Variants in NAV3 observed in about 807,000 individuals in gnomAD.
NAV3 encodes the protein neuron navigator 3.
A neutral mutation model predicts 244.7 loss-of-function variants in NAV3; 87 were observed. The observed-to-expected ratio is 0.36, with a 90% CI of 0.30 to 0.42. NAV3 has a LOEUF of 0.42. Among genes scored for constraint, NAV3 ranks in the 20% least tolerant of loss-of-function variants. The pLI is 1.00. For synonymous variants in NAV3, 1,126 were observed against 1,042.2 expected, an observed-to-expected ratio of 1.08 and a Z score of -1.55; for missense variants, 2,663 against 2,893.3, an observed-to-expected ratio of 0.92 and a Z score of 1.83.
At chr12:78,047,685 T>C (rs1323178280) in intron 9 of NAV3, among the ~76,000 whole-genome samples, 2 of 152,198 alleles carry the variant, frequency 1.3e-5, no homozygotes, top group Non-Finnish European at 2.9e-5. Flanking sequence ...ATTACGTGTC[T>C]TGGGGTTGCT....
At chr12:77,984,197 A>C (rs1870063248) in intron 5 of NAV3, among the ~76,000 whole-genome samples, 1 of 152,216 alleles carries the variant, frequency 6.6e-6, no homozygotes, top group East Asian at 1.9e-4. Flanking sequence ...ATTTTGAAGG[A>C]GAATAAGACC....
intron 1 of NAV3, among the ~76,000 whole-genome samples, chr12:77,903,339 G>A (rs1419352389): frequency 1.5e-4 from 23 of 152,088 alleles, no homozygotes; most frequent in South Asian, 1.2e-3. Flanking sequence ...AAATAATGCC[G>A]CATATCTACA....
intron 2 of NAV3, among the ~76,000 whole-genome samples, chr12:77,755,778 G>C (rs1869143350): frequency 6.7e-6 from 1 of 149,600 alleles, no homozygotes; most frequent in Non-Finnish European, 1.5e-5. Context: ...TTGTCACTCA[G>C]GGTGGAGTGC....
At chr12:78,027,948 T>A (rs555747181) in intron 9 of NAV3, among the ~76,000 whole-genome samples, 4 of 152,154 alleles carry the variant, frequency 2.6e-5, no homozygotes, top group Admixed American at 6.6e-5. Context: ...GAAGCGTTTT[T>A]TTTTGTTTTG....
chr12:78,111,021 G>A (rs183993937), intron 12 of NAV3, among the ~76,000 whole-genome samples: 1 of 151,972 alleles, frequency 6.6e-6, no homozygotes, highest in South Asian at 2.1e-4. Context: ...AGACTGGAAA[G>A]GATGAATGGA....
At chr12:77,660,921 G>A (rs917479591) in intron 2 of NAV3, among the ~76,000 whole-genome samples, 1 of 152,074 alleles carries the variant, frequency 6.6e-6, no homozygotes, top group Admixed American at 6.6e-5. Context: ...ATGAGCCGTA[G>A]TTCATTTCTT....
At chr12:78,147,110 C>A (rs955922629) in intron 21 of NAV3, among the ~76,000 whole-genome samples, 5 of 152,000 alleles carry the variant, frequency 3.3e-5, no homozygotes, top group Non-Finnish European at 7.4e-5. Flanking sequence ...AAAAGTATTC[C>A]TTTCCTTTGA....
rs375233233 is a variant in NAV3 at position 77,576,799 on chromosome 12, T to C, written c.72+4533T>C. Among the ~76,000 whole-genome samples, 25 of 152,198 alleles carry C rather than the reference T, an allele frequency of 1.6e-4. No homozygotes were observed. In the East Asian group the frequency reaches 3.5e-3, roughly 21 times the overall value. ...GTGAGGATAGGTCTAGCCCTTATAT[T>C]TGTTGATTTTCTTAAAGAATGGCCT... On this transcript the variant is annotated intron_variant, in intron 2 of 8. Transcript: ENST00000550042.
At chr12:77,650,405 C>G (rs1269389783) in intron 2 of NAV3, among the ~76,000 whole-genome samples, 1 of 152,100 alleles carries the variant, frequency 6.6e-6, no homozygotes, top group African/African-American at 2.4e-5. Context: ...AACAACCAAC[C>G]TGAGAAAAAT....
At chr12:77,981,360 G>A (rs193028806) in intron 5 of NAV3, among the ~76,000 whole-genome samples, 1 of 152,214 alleles carries the variant, frequency 6.6e-6, no homozygotes. Flanking sequence ...AGTTCACAAG[G>A]ATCCTGCAGA....
At chr12:77,604,471 C>T (rs572705472) in intron 2 of NAV3, among the ~76,000 whole-genome samples, 2 of 152,032 alleles carry the variant, frequency 1.3e-5, no homozygotes, top group South Asian at 4.1e-4. Context: ...GACACAGAAC[C>T]TAGACCAGGG....
rs778139901 is a variant in NAV3, at chr12:78,006,911, A to C, written c.1373A>C (p.Asn458Thr). The change falls in exon 8 of 40, where the codon AAT (asparagine) becomes ACT (threonine). Residue 458 changes from asparagine to threonine, a missense_variant. By Grantham distance (65) the Asn-to-Thr change is moderately conservative. Transcript: ENST00000397909. ...PPKAGSKNLS[N>T]KKSLLQPKEK... ...AAAGCTGGAAGCAAAAATCTCAGCA[A>C]TAAAAAGTCTTTGCTACAGCCAAAG... 29 of 1,614,018 alleles carry C rather than the reference A, an allele frequency of 1.8e-5. No individual in the cohort carries two copies. Among genetic ancestry groups the C allele is most frequent in the Non-Finnish European group, 2.3e-5 (27 of 1,180,030 alleles).
At chr12:78,058,658 T>C (rs1369233399) in intron 11 of NAV3, among the ~76,000 whole-genome samples, 3 of 152,218 alleles carry the variant, frequency 2.0e-5, no homozygotes, top group Non-Finnish European at 2.9e-5. Context: ...TGAAATTTTC[T>C]TTCTTTTAAT....
At chr12:77,930,018 TTCTACAGGTAAACAAACAAGAGCAGTCC>T (rs1888629125) in intron 1 of NAV3, among the ~76,000 whole-genome samples, 1 of 152,048 alleles carries the variant, frequency 6.6e-6, no homozygotes, top group African/African-American at 2.4e-5. Flanking sequence ...ACATGTAAAG[TTCTACAGGTAAACAAACAAGAGCAGTCC>T]TATCCCTAGC....
At chr12:78,203,001 G>A (rs961311525) in intron 38 of NAV3, among the ~76,000 whole-genome samples, 4 of 151,982 alleles carry the variant, frequency 2.6e-5, no homozygotes, top group South Asian at 2.1e-4. Flanking sequence ...AGATGAAGGC[G>A]GATTTTTTTG....
intron 12 of NAV3, among the ~76,000 whole-genome samples, chr12:78,091,943 A>T (rs1268189375): frequency 6.6e-6 from 1 of 152,142 alleles, no homozygotes; most frequent in African/African-American, 2.4e-5. Context: ...ACTCACTCTA[A>T]ATTAAAGAGT....
chr12:77,844,911 G>C (rs1876355038), intron 1 of NAV3, among the ~76,000 whole-genome samples: 1 of 152,112 alleles, frequency 6.6e-6, no homozygotes, highest in African/African-American at 2.4e-5. Context: ...TCGACTTTGG[G>C]ATTAGGACAA....
At chr12:77,815,578 A>T (rs1252256031) in intron 2 of NAV3, among the ~76,000 whole-genome samples, 1 of 152,216 alleles carries the variant, frequency 6.6e-6, no homozygotes, top group Non-Finnish European at 1.5e-5. Context: ...TTTCCAAATT[A>T]TCATGTGTAT....
chr12:77,941,969 A>G (rs1192899371), intron 3 of NAV3, among the ~76,000 whole-genome samples: 2 of 152,224 alleles, frequency 1.3e-5, no homozygotes, highest in Admixed American at 1.3e-4. Flanking sequence ...GAATAAAAAA[A>G]TCTATGAACT....
Sources: gnomAD v4.1 joint callset for allele counts (sites outside exome capture counted in the v4.1 genomes callset) on GRCh38, gnomAD v4.1.1 for gene constraint, MANE v1.5 for transcripts, NCBI Gene and HGNC (gene_info 2026-07-23, HGNC 2026-07-21) for gene names.